Variants in DCC observed in about 807,000 individuals in gnomAD.
The protein encoded by DCC is netrin receptor DCC.
Under a neutral mutation model 172.5 loss-of-function variants are expected in DCC, and 58 were observed. The observed-to-expected ratio is 0.34, with a 90% CI of 0.27 to 0.42. The LOEUF is 0.42. DCC is among the 10% of genes least tolerant of loss of function. The pLI is 1.00. For synonymous variants in DCC, 709 were observed against 644.5 expected, an observed-to-expected ratio of 1.10 and a Z score of -1.52; for missense variants, 1,740 against 1,791.0, an observed-to-expected ratio of 0.97 and a Z score of 0.51.
At chr18:52,983,216 A>G (rs187728588) in intron 5 of DCC, among the ~76,000 whole-genome samples, 73 of 152,288 alleles carry the variant, frequency 4.8e-4, no homozygotes, top group Admixed American at 9.2e-4. Context: ...GAGACACCAG[A>G]GTTAAGACTT....
intron 12 of DCC, among the ~76,000 whole-genome samples, chr18:53,302,930 T>C (rs2057157874): frequency 6.6e-6 from 1 of 152,226 alleles, no homozygotes; most frequent in South Asian, 2.1e-4. Flanking sequence ...TTTACAGCAA[T>C]GTGCCTTGAA....
intron 13 of DCC, among the ~76,000 whole-genome samples, chr18:53,318,749 T>TGG (rs59763505): frequency 9.2e-6 from 1 of 108,726 alleles, no homozygotes; most frequent in Admixed American, 9.1e-5. Flanking sequence ...CCTTCTTCGT[T>TGG]GGGTTTTTTT....
chr18:53,526,582 C>CTACAT, intron 27 of DCC, 35 bp from the exon 28 acceptor site: 1 of 1,609,176 alleles, frequency 6.2e-7, no homozygotes, highest in East Asian at 2.2e-5. Context: ...AGAATGTTTT[C>CTACAT]TACATTACTT....
At chr18:53,064,874 T>C (rs1237076096) in intron 6 of DCC, among the ~76,000 whole-genome samples, 1 of 152,142 alleles carries the variant, frequency 6.6e-6, no homozygotes, top group Non-Finnish European at 1.5e-5. Flanking sequence ...CTACTTACAC[T>C]TAAAGGACAT....
intron 2 of DCC, among the ~76,000 whole-genome samples, chr18:52,835,130 A>G (rs903169499): frequency 1.3e-5 from 2 of 152,212 alleles, no homozygotes; most frequent in Non-Finnish European, 2.9e-5. Context: ...TTAACATTCC[A>G]TGGGTGTTTT....
intron 1 of DCC, among the ~76,000 whole-genome samples, chr18:52,555,865 C>A (rs1333293324): frequency 2.0e-5 from 3 of 152,070 alleles, no homozygotes; most frequent in Non-Finnish European, 4.4e-5. Flanking sequence ...ATTTATTCCT[C>A]TTCAAATTGA....
intron 2 of DCC, among the ~76,000 whole-genome samples, chr18:52,880,445 G>A (rs567989847): frequency 5.9e-5 from 9 of 152,144 alleles, no homozygotes; most frequent in South Asian, 2.1e-4. Flanking sequence ...CACCTTGCCC[G>A]GCCTTATTCA....
intron 1 of DCC, among the ~76,000 whole-genome samples, chr18:52,687,175 A>G (rs2035850976): frequency 6.6e-6 from 1 of 152,102 alleles, no homozygotes; most frequent in Admixed American, 6.6e-5. Context: ...ACTTCAATTT[A>G]GTCTGATTTG....
At chr18:53,524,966 TATA>T (rs1362201346) in intron 27 of DCC, among the ~76,000 whole-genome samples, 3 of 151,952 alleles carry the variant, frequency 2.0e-5, no homozygotes, top group African/African-American at 7.2e-5. Flanking sequence ...TATATAATAT[TATA>T]ATAAGATGAT....
chr18:52,875,906 G>T (rs1474658079), intron 2 of DCC, among the ~76,000 whole-genome samples: 9 of 152,126 alleles, frequency 5.9e-5, no homozygotes, highest in African/African-American at 2.2e-4. Context: ...GCTTTATCGG[G>T]CACCTGCCCA....
At chr18:53,155,336 C>G (rs2054712987) in intron 7 of DCC, among the ~76,000 whole-genome samples, 1 of 152,052 alleles carries the variant, frequency 6.6e-6, no homozygotes, top group Non-Finnish European at 1.5e-5. Context: ...ACCACAAAAG[C>G]CGGTTTGAAG....
At chr18:53,207,897 T>C in intron 11 of DCC, 80 bp downstream of exon 11, 2 of 1,320,474 alleles carry the variant, frequency 1.5e-6, no homozygotes, top group Non-Finnish European at 2.2e-6. Flanking sequence ...ACATATATCA[T>C]ATATTCCATT....
chr18:52,923,245 A>G (rs972153949), intron 3 of DCC, among the ~76,000 whole-genome samples: 1 of 152,176 alleles, frequency 6.6e-6, no homozygotes, highest in Non-Finnish European at 1.5e-5. Context: ...CCTGTACGCT[A>G]TTTAATACAA....
chr18:52,585,749 T>C (rs2033653916), intron 1 of DCC, among the ~76,000 whole-genome samples: 1 of 152,228 alleles, frequency 6.6e-6, no homozygotes, highest in South Asian at 2.1e-4. Flanking sequence ...TATTCTACTC[T>C]TCTTCAGAAT....
chr18:52,510,249 C>T (rs2031386596), intron 1 of DCC, among the ~76,000 whole-genome samples: 1 of 152,114 alleles, frequency 6.6e-6, no homozygotes, highest in African/African-American at 2.4e-5. Flanking sequence ...TGAATGTGGG[C>T]TACTGTCCAA....
At chr18:53,432,567 C>G (rs1245811037) in intron 21 of DCC, among the ~76,000 whole-genome samples, 1 of 152,012 alleles carries the variant, frequency 6.6e-6, no homozygotes, top group African/African-American at 2.4e-5. Flanking sequence ...TGAAATTAAC[C>G]AAGGTAACTA....
intron 1 of DCC, among the ~76,000 whole-genome samples, chr18:52,366,952 G>A (rs1984893080): frequency 6.6e-6 from 1 of 152,230 alleles, no homozygotes; most frequent in Admixed American, 6.5e-5. Context: ...CGTGGAGCAG[G>A]GGGTGGTGCT....
intron 2 of DCC, among the ~76,000 whole-genome samples, chr18:52,764,770 C>G (rs969365498): frequency 1.3e-5 from 2 of 152,180 alleles, no homozygotes; most frequent in Non-Finnish European, 2.9e-5. Flanking sequence ...TACACATAGT[C>G]TAAGACAATT....
intron 22 of DCC, 103 bp downstream of exon 22, chr18:53,435,312 C>T: frequency 1.3e-6 from 1 of 780,100 alleles, no homozygotes. Context: ...TGCCAGGAAC[C>T]TTGGATTTAG....
Sources: gnomAD v4.1 joint callset for allele counts (sites outside exome capture counted in the v4.1 genomes callset) on GRCh38, gnomAD v4.1.1 for gene constraint, MANE v1.5 for transcripts, NCBI Gene and HGNC (gene_info 2026-07-23, HGNC 2026-07-21) for gene names.